The following CRIPT variants were observed in gnomAD, a reference collection of about 807,000 sequenced individuals.
The protein encoded by CRIPT is cysteine-rich PDZ-binding protein.
CRIPT carries 20 observed loss-of-function variants against 16.6 expected under a neutral mutation model. That is an observed-to-expected ratio of 1.20 (90% CI 0.85 to 1.75). The LOEUF is 1.75. Among genes scored for constraint, CRIPT ranks in the 40% most tolerant of loss-of-function variants. The pLI is 0.00. For synonymous variants in CRIPT, 42 were observed against 37.0 expected (o/e 1.14, Z -0.49); for missense variants, 133 against 115.3 (o/e 1.15, Z -0.70).
At chr2:46,620,987 A>G (rs1178083287) in intron 3 of CRIPT, among the ~76,000 whole-genome samples, 3 of 152,042 alleles carry the variant, frequency 2.0e-5, no homozygotes, top group Non-Finnish European at 2.9e-5. Context: ...CTACCTCCAA[A>G]ACGTAAAATG....
intron 3 of CRIPT, among the ~76,000 whole-genome samples, chr2:46,622,348 C>A (rs955780684): frequency 6.9e-6 from 1 of 144,532 alleles, no homozygotes; most frequent in Non-Finnish European, 1.5e-5. Flanking sequence ...CCAGCCTGGG[C>A]GACAGAGCGA....
At chr2:46,622,945 A>G (rs1283023793) in intron 3 of CRIPT, among the ~76,000 whole-genome samples, 1 of 151,808 alleles carries the variant, frequency 6.6e-6, no homozygotes, top group African/African-American at 2.4e-5. Context: ...CATTACAAAA[A>G]CTCATTTTGT....
rs1447688750 is a variant in CRIPT, at chr2:46,625,054, C to A, written c.*827C>A. The A allele has an allele frequency of 6.8e-6, 1 of 146,568 alleles. No homozygotes were observed. Among genetic ancestry groups the A allele is most frequent in the Non-Finnish European group, 1.5e-5 (1 of 67,012 alleles). 9.1% of individuals were successfully genotyped at this position (146,568 alleles called of 1,614,324 possible). ...AATAGAGCAAACATCTTGACTCTCC[C>A]TTTTTAAAATTTGTTTGTTTTTTTT... On this transcript the variant is annotated 3_prime_UTR_variant, in exon 5 of 5. Coordinates refer to ENST00000238892, the MANE Select transcript of CRIPT (RefSeq NM_014171.6).
Position 46,625,357 on chromosome 2 carries a change from A to T in CRIPT, c.*1130A>T, listed in dbSNP as rs928361422. On this transcript the variant is annotated 3_prime_UTR_variant, in exon 5 of 5. Transcript: ENST00000238892. ...AAGTGCTGGGATACAGGTGTGAGCC[A>T]CAGAACTTGGCCTCTCTCTTTTTTT... 4.9e-5 allele frequency: 7 copies of T among 143,290 alleles called. No individual in the cohort carries two copies. The highest frequency in any genetic ancestry group is 1.5e-4 in the African/African-American group (6 of 38,890). The allele number at this position is 143,290 out of a possible 1,614,324, so 8.9% of individuals were successfully genotyped here.
In CRIPT at chr2:46,627,466, CAG is replaced by C. The variant is rs1028995634; in HGVS notation, c.*3242_*3243del. ...CTTTTTTTTTTTTTTTCCCCAAAGA[CAG>C]AGTCTCCTTCTGTTGCCCAGGCTGG... On this transcript the variant is annotated 3_prime_UTR_variant, in exon 5 of 5. Coordinates refer to ENST00000238892, the MANE Select transcript of CRIPT (RefSeq NM_014171.6). Among the ~76,000 whole-genome samples, 5 of 148,768 alleles carry C rather than the reference CAG, an allele frequency of 3.4e-5. No individual in the cohort carries two copies. Among genetic ancestry groups the C allele is most frequent in the African/African-American group, 1.2e-4 (5 of 40,292 alleles).
intron 3 of CRIPT, among the ~76,000 whole-genome samples, chr2:46,621,427 C>A (rs1218598628): frequency 6.6e-6 from 1 of 152,194 alleles, no homozygotes; most frequent in Non-Finnish European, 1.5e-5. Flanking sequence ...TGGGTCTCAG[C>A]TTCAGAGAAG....
In CRIPT at chr2:46,629,259, C is replaced by G. The variant is rs1345116377; in HGVS notation, c.*5032C>G. On this transcript the variant is annotated 3_prime_UTR_variant, in exon 5 of 5. Coordinates refer to ENST00000238892, the MANE Select transcript of CRIPT (RefSeq NM_014171.6). ...GTTCCCTTAACTGGGGGTGTGTATC[C>G]TAGAATCCTCGACCCATTAGAAAGT... Among the ~76,000 whole-genome samples the G allele has an allele frequency of 6.6e-6, 1 of 152,074 alleles. No homozygotes were observed. The highest frequency in any genetic ancestry group is 1.9e-4 in the East Asian group (1 of 5,178).
chr2:46,618,180 G>C lies in CRIPT; in HGVS notation c.17-593G>C, dbSNP rs73926532. Among the ~76,000 whole-genome samples the C allele has an allele frequency of 3.9e-3, 589 of 151,752 alleles. 4 individuals are homozygous for C. The highest frequency in any genetic ancestry group is 0.014 in the African/African-American group (558 of 41,330). ...TGGAATTTCTTCTAGTACTTTAGCT[G>C]TCGATTATTATACTTTTTATTTTTT... On this transcript the variant is annotated intron_variant, in intron 1 of 4. Coordinates refer to ENST00000238892, the MANE Select transcript of CRIPT (RefSeq NM_014171.6).
rs73926533 is a variant in CRIPT at position 46,618,255 on chromosome 2, C to T, written c.17-518C>T. ...TCTTTTTGGGGGGAAGGTCTCTGAT[C>T]CCTCTGATAATCTGATGAAAACTAT... On this transcript the variant is annotated intron_variant, in intron 1 of 4. Coordinates refer to ENST00000238892, the MANE Select transcript of CRIPT (RefSeq NM_014171.6). 3.9e-3 allele frequency among the ~76,000 whole-genome samples: 599 copies of T among 151,682 alleles called. 4 individuals are homozygous for T. The highest frequency in any genetic ancestry group is 0.014 in the African/African-American group (566 of 41,240).
intron 3 of CRIPT, 137 bp downstream of exon 3, chr2:46,619,818 A>C (rs1484880110): frequency 6.8e-6 from 4 of 591,284 alleles, no homozygotes; most frequent in Non-Finnish European, 1.2e-5. Context: ...GAACCAAGCT[A>C]TCTGTTATAA....
At chr2:46,622,633 G>A (rs1163119848) in intron 3 of CRIPT, among the ~76,000 whole-genome samples, 1 of 151,730 alleles carries the variant, frequency 6.6e-6, no homozygotes, top group Non-Finnish European at 1.5e-5. Context: ...GACCAACATG[G>A]AGAAACCCCA....
chr2:46,623,884 ACCGT>A lies in CRIPT; in HGVS notation c.241+18_241+21del. The A allele has an allele frequency of 6.5e-7, 1 of 1,531,420 alleles. No homozygotes were observed. Among genetic ancestry groups the A allele is most frequent in the Non-Finnish European group, 9.0e-7 (1 of 1,115,292 alleles). 94.9% of individuals were successfully genotyped at this position (1,531,420 alleles called of 1,614,324 possible). ...ACAAAAAAGGTAAGTTTCTTTTAAT[ACCGT>A]TTTCTATTCATAAAACCGACTTCAT... is the stretch of plus-strand genomic sequence containing the variant. On this transcript the variant is annotated intron_variant, in intron 4 of 4. Transcript: ENST00000238892.
Position 46,626,188 on chromosome 2 carries a change from G to T in CRIPT, c.*1961G>T, listed in dbSNP as rs948718619. Among the ~76,000 whole-genome samples the T allele has an allele frequency of 3.9e-5, 6 of 152,092 alleles. No homozygotes were observed. The highest frequency in any genetic ancestry group is 1.4e-4 in the African/African-American group (6 of 41,402). On this transcript the variant is annotated 3_prime_UTR_variant, in exon 5 of 5. Transcript: ENST00000238892. Reference sequence around the variant, plus strand: ...TCCCACTGATAAGTGAGAACATGCGGTCTTTGGTTTTCTGTTCCTGTGTAT... The same window carrying T: ...TCCCACTGATAAGTGAGAACATGCGTTCTTTGGTTTTCTGTTCCTGTGTAT...
intron 3 of CRIPT, among the ~76,000 whole-genome samples, chr2:46,622,676 G>A (rs1194909938): frequency 1.3e-5 from 2 of 152,030 alleles, no homozygotes; most frequent in Admixed American, 6.6e-5. Flanking sequence ...AGCCGGGCGT[G>A]GTAGCGCATG....
chr2:46,618,059 C>T (rs1670708965), intron 1 of CRIPT, among the ~76,000 whole-genome samples: 1 of 150,622 alleles, frequency 6.6e-6, no homozygotes, highest in African/African-American at 2.5e-5. Context: ...CCTTTTTGTT[C>T]ACAGTCCTAT....
rs1282414361 is a variant in CRIPT at position 46,624,218 on chromosome 2, A to G, written c.297A>G (p.Thr99=). 2.5e-6 allele frequency: 4 copies of G among 1,577,760 alleles called. No individual in the cohort carries two copies. The East Asian group carries it at 6.9e-5, about 27-fold the overall frequency. ...TGGATACCAAAAACTACAAGCAAAC[A>G]TCTGTCTAGATGTATTGATGGAATT... is the stretch of plus-strand genomic sequence containing the variant. ...KVLDTKNYKQ[T]SV is the part of the protein sequence containing the mutation. The change falls in exon 5 of 5, where the codon ACA becomes ACG. Residue 99 remains threonine (T), a synonymous_variant. Coordinates refer to ENST00000238892, the MANE Select transcript of CRIPT (RefSeq NM_014171.6).
intron 1 of CRIPT, 37 bp downstream of exon 1, chr2:46,617,335 TG>T (rs2104162281): frequency 1.3e-6 from 2 of 1,550,880 alleles, no homozygotes; most frequent in Non-Finnish European, 1.7e-6. Flanking sequence ...AGGAGGAGGC[TG>T]GGAGAACCTA....
chr2:46,626,050 G>C lies in CRIPT; in HGVS notation c.*1823G>C, dbSNP rs546532073. On this transcript the variant is annotated 3_prime_UTR_variant, in exon 5 of 5. Coordinates refer to ENST00000238892, the MANE Select transcript of CRIPT (RefSeq NM_014171.6). ...GGGTACAAATGATCCTGTCACCCAG[G>C]TAGTGAGCATAGAGTCCAACAGGTG... is the stretch of plus-strand genomic sequence containing the variant. Among the ~76,000 whole-genome samples the C allele has an allele frequency of 6.6e-6, 1 of 152,196 alleles. No individual in the cohort carries two copies.
intron 4 of CRIPT, 47 bp downstream of exon 4, chr2:46,623,914 T>A (rs779826892): frequency 3.0e-6 from 4 of 1,318,294 alleles, no homozygotes; most frequent in Non-Finnish European, 4.3e-6. Flanking sequence ...CCGACTTCAT[T>A]TGCTGCTAAT....
Sources: gnomAD v4.1 joint callset for allele counts (sites outside exome capture counted in the v4.1 genomes callset) on GRCh38, gnomAD v4.1.1 for gene constraint, MANE v1.5 for transcripts, NCBI Gene and HGNC (gene_info 2026-07-23, HGNC 2026-07-21) for gene names.